PATJ: variants seen among roughly 807,000 people sequenced by gnomAD.
PATJ encodes the protein PATJ crumbs cell polarity complex component, also known as inaD-like protein.
A neutral mutation model predicts 224.9 loss-of-function variants in PATJ; 190 were observed. The ratio of observed to expected loss-of-function variants is 0.84; its 90% CI spans 0.75 to 0.95. The LOEUF is 0.95. PATJ is among the 40% of genes least tolerant of loss of function. The pLI is 0.00. For missense variants in PATJ, 2,121 were observed against 2,270.3 expected, an observed-to-expected ratio of 0.93 and a Z score of 1.34; for synonymous variants, 769 against 820.3, an observed-to-expected ratio of 0.94 and a Z score of 1.07.
intron 28 of PATJ, among the ~76,000 whole-genome samples, chr1:62,014,895 T>C (rs570428104): frequency 6.6e-6 from 1 of 152,198 alleles, no homozygotes; most frequent in East Asian, 1.9e-4. Flanking sequence ...CCATTTCCCT[T>C]GTAGCTAAGT....
At chr1:61,933,471 G>C (rs1038262121) in intron 27 of PATJ, among the ~76,000 whole-genome samples, 2 of 150,802 alleles carry the variant, frequency 1.3e-5, no homozygotes, top group African/African-American at 4.9e-5. Context: ...AACTTGAGAG[G>C]CAGAGGTTGC....
chr1:62,126,903 T>A (rs1665775268), intron 39 of PATJ, among the ~76,000 whole-genome samples: 1 of 152,176 alleles, frequency 6.6e-6, no homozygotes, highest in South Asian at 2.1e-4. Flanking sequence ...CTGTAGGCCA[T>A]GACAGTGCCA....
intron 17 of PATJ, among the ~76,000 whole-genome samples, chr1:61,855,748 CA>C (rs1454422776): frequency 6.6e-6 from 1 of 152,060 alleles, no homozygotes; most frequent in East Asian, 1.9e-4. Flanking sequence ...CTTTTTCTAG[CA>C]AGGTCTTGCT....
In PATJ at chr1:61,981,532, C is replaced by G. The variant is rs1006142899; in HGVS notation, c.3671-8636C>G. On this transcript the variant is annotated intron_variant, in intron 27 of 43. Transcript: ENST00000642238. The stretch of plus-strand genomic sequence containing the variant: ...TCCAAAATTTTATACAACACAGGAG[C>G]CTTCAGAAAGAAAGACCCAAAGACC... 3.3e-5 allele frequency among the ~76,000 whole-genome samples: 5 copies of G among 151,932 alleles called. No individual in the cohort carries two copies. The South Asian group carries it at 1.0e-3, about 32-fold the overall frequency.
intron 1 of PATJ, among the ~76,000 whole-genome samples, chr1:61,746,110 T>TA (rs1292894447): frequency 6.6e-6 from 1 of 150,874 alleles, no homozygotes; most frequent in Non-Finnish European, 1.5e-5. Flanking sequence ...TATATATATA[T>TA]TTTGTATTTT....
intron 18 of PATJ, among the ~76,000 whole-genome samples, chr1:61,856,778 A>G (rs1194652918): frequency 6.6e-6 from 1 of 152,120 alleles, no homozygotes; most frequent in Admixed American, 6.5e-5. Context: ...TTTTTAGTAG[A>G]GATGGGGTTT....
chr1:61,869,768 A>T (rs1204966925), intron 20 of PATJ, among the ~76,000 whole-genome samples: 1 of 152,174 alleles, frequency 6.6e-6, no homozygotes, highest in Non-Finnish European at 1.5e-5. Context: ...GAACCATCTG[A>T]CTGCTTTGGC....
chr1:61,929,540 A>C (rs184105361), intron 27 of PATJ, among the ~76,000 whole-genome samples: 6 of 152,354 alleles, frequency 3.9e-5, no homozygotes, highest in Admixed American at 1.3e-4. Flanking sequence ...GTGTAGTATT[A>C]ACTCAGTCAA....
intron 31 of PATJ, among the ~76,000 whole-genome samples, chr1:62,055,543 G>C (rs1255317023): frequency 6.6e-5 from 10 of 152,150 alleles, no homozygotes; most frequent in Non-Finnish European, 4.4e-5. Context: ...AAAATTAAAT[G>C]AGTTGATAAC....
chr1:61,811,918 G>A (rs1010764815), intron 14 of PATJ, among the ~76,000 whole-genome samples: 1 of 151,336 alleles, frequency 6.6e-6, no homozygotes, highest in Admixed American at 6.6e-5. Context: ...AAAATTAGCC[G>A]GGCGTGGTGG....
chr1:62,026,509 C>T (rs1647973873), intron 29 of PATJ, among the ~76,000 whole-genome samples: 1 of 147,310 alleles, frequency 6.8e-6, no homozygotes, highest in African/African-American at 2.6e-5. Context: ...TGTACATGCA[C>T]CTAAATGATG....
At chr1:61,820,893 C>G (rs1039658993) in intron 14 of PATJ, among the ~76,000 whole-genome samples, 1 of 152,164 alleles carries the variant, frequency 6.6e-6, no homozygotes, top group East Asian at 1.9e-4. Context: ...TCTCTGAGAG[C>G]TTTTCCTCAC....
At chr1:61,941,178 T>C (rs1677763320) in intron 27 of PATJ, among the ~76,000 whole-genome samples, 1 of 152,230 alleles carries the variant, frequency 6.6e-6, no homozygotes, top group African/African-American at 2.4e-5. Context: ...GAAAAGTTAA[T>C]GGTTCAGATG....
rs71050201 is a variant in PATJ at position 62,134,204 on chromosome 1, CTT to C, written c.5271+5277_5271+5278del. On this transcript the variant is annotated intron_variant, in intron 41 of 43. Transcript: ENST00000642238. Reference sequence around the variant, plus strand: ...AACACCCTTCTCACCGTACTCTCGTCTTTTTTTTTTTTTTTTTTTAAGAGAGA... The same window carrying C: ...AACACCCTTCTCACCGTACTCTCGTCTTTTTTTTTTTTTTTTTAAGAGAGA... Among the ~76,000 whole-genome samples the C allele has an allele frequency of 8.2e-4, 102 of 123,944 alleles. No homozygotes were observed. The East Asian group carries it at 0.01, about 12-fold the overall frequency. The allele number at this position is 123,944 out of a possible 152,430, so 81.3% of individuals were successfully genotyped here. A position where few individuals can be genotyped will look rare whatever the true frequency, so the allele number is the denominator to read the frequency against.
intron 27 of PATJ, among the ~76,000 whole-genome samples, chr1:61,949,611 C>A (rs11809363): frequency 1.3e-5 from 2 of 152,138 alleles, no homozygotes; most frequent in Admixed American, 1.3e-4. Context: ...TAAATTACTT[C>A]CAAGAAGTGA....
At chr1:62,091,883 C>G (rs560444783) in intron 33 of PATJ, among the ~76,000 whole-genome samples, 155 of 152,124 alleles carry the variant, frequency 1.0e-3, no homozygotes, top group African/African-American at 3.7e-3. Flanking sequence ...TGGCAAAACC[C>G]TGTCTCTACT....
chr1:61,768,626 A>G (rs1486326740), intron 4 of PATJ, among the ~76,000 whole-genome samples: 2 of 152,004 alleles, frequency 1.3e-5, no homozygotes, highest in Non-Finnish European at 2.9e-5. Flanking sequence ...GCGGCTGGGC[A>G]CTGTGGCTCA....
At chr1:61,957,721 A>C (rs1437307998) in intron 27 of PATJ, among the ~76,000 whole-genome samples, 1 of 152,200 alleles carries the variant, frequency 6.6e-6, no homozygotes, top group African/African-American at 2.4e-5. Context: ...AAAAAACCAG[A>C]GTTGAATAAT....
chr1:61,873,462 C>A lies in PATJ; in HGVS notation c.2836-1781C>A, dbSNP rs531037912. ...GGGATTATAGGCATGAGCCACTGCA[C>A]CCGGCAATAAAATTTTTTAAAATAT... is the stretch of plus-strand genomic sequence containing the variant. On this transcript the variant is annotated intron_variant, in intron 20 of 43. Transcript: ENST00000642238. Among the ~76,000 whole-genome samples the A allele has an allele frequency of 3.9e-4, 60 of 152,318 alleles. 1 individual carries two copies. The highest frequency in any genetic ancestry group is 6.5e-4 in the Non-Finnish European group (44 of 68,040).
Sources: allele counts gnomAD v4.1 joint callset (sites outside exome capture counted in the v4.1 genomes callset), GRCh38; gene constraint gnomAD v4.1.1; transcripts MANE v1.5; gene names NCBI Gene and HGNC (gene_info 2026-07-23, HGNC 2026-07-21).